Variants in TNFRSF25 observed in about 807,000 individuals in gnomAD.
TNFRSF25 encodes the protein TNF receptor superfamily member 25.
In TNFRSF25, 28 loss-of-function variants were observed where a neutral mutation model predicts 49.4. The ratio of observed to expected loss-of-function variants is 0.57; its 90% CI spans 0.42 to 0.78. TNFRSF25 has a LOEUF of 0.78. Ranked by LOEUF, TNFRSF25 falls within the 30% of genes least tolerant of loss-of-function variation. The probability of loss-of-function intolerance (pLI) is 0.00; values close to 1 mark genes in which losing one functional copy is unlikely to be tolerated. For synonymous variants in TNFRSF25, 240 were observed against 234.2 expected (o/e 1.02, Z -0.23); for missense variants, 531 against 581.6 (o/e 0.91, Z 0.90).
At position 6,461,723 on chromosome 1, in the gene TNFRSF25, G is replaced by C; in HGVS notation, c.965C>G (p.Ala322Gly). ...CTGCAGCATCATGGCTGGCGAGCCG[G>C]CTGGGGACTCTGGCGAGAGTGTGGG... The part of the protein sequence containing the change: ...AAPTLSPESP[A>G]GSPAMMLQPG... Residue 322 changes from alanine to glycine, a missense_variant, in exon 10 of 10, where the codon GCC (alanine) becomes GGC (glycine). Ala to Gly is a moderately conservative substitution (Grantham distance 60, BLOSUM62 0). Coordinates refer to ENST00000356876, the MANE Select transcript of TNFRSF25 (RefSeq NM_003790.3). The surrounding 1 kb of genome is among the most constrained non-coding windows in gnomAD (Gnocchi z 6.3). The C allele has an allele frequency of 6.4e-7, 1 of 1,552,244 alleles. No individual in the cohort carries two copies. Among genetic ancestry groups the C allele is most frequent in the Non-Finnish European group, 8.7e-7 (1 of 1,154,922 alleles).
Position 6,464,707 on chromosome 1 carries a change from G to A in TNFRSF25, c.308C>T (p.Ala103Val), listed in dbSNP as rs371575383. The change falls in exon 4 of 10, where the codon GCG (alanine) becomes GTG (valine). Residue 103 changes from alanine (A) to valine (V), a missense_variant. Physicochemically the swap from Ala to Val is moderately conservative, Grantham distance 64. Transcript: ENST00000356876. ...GGCCACTGCTGAACAGTTCTCCAGC[G>A]CCACCTGGGAGGCTGGTGGGGGTGC... ...QACDEQASQV[A>V]LENCSAVADT... 16 of 1,612,766 alleles carry A rather than the reference G, an allele frequency of 9.9e-6. No individual in the cohort carries two copies. Among genetic ancestry groups the A allele is most frequent in the East Asian group, 2.2e-5 (1 of 44,846 alleles).
Position 6,463,115 on chromosome 1 carries a change from C to T in TNFRSF25, c.555G>A (p.Gly185=). 1 of 1,551,604 alleles carries T rather than the reference C, an allele frequency of 6.4e-7. No homozygotes were observed. The highest frequency in any genetic ancestry group is 8.7e-7 in the Non-Finnish European group (1 of 1,146,992). Residue 185 remains glycine, a synonymous_variant, in exon 6 of 10, where the codon GGG becomes GGA. Coordinates refer to ENST00000356876, the MANE Select transcript of TNFRSF25 (RefSeq NM_003790.3). ...GCVSCPTSTL[G]SCPERCAAVC... ...CAGCGGCACAGCGCTCTGGACAGCT[C>T]CCCAGGGTGCTCCTGCAAGGGACGG...
chr1:6,464,540 G>C lies in TNFRSF25; in HGVS notation c.463+12C>G, dbSNP rs201638946. 5 of 1,613,872 alleles carry C rather than the reference G, an allele frequency of 3.1e-6. No homozygotes were observed. The Admixed American group carries it at 8.3e-5, about 27-fold the overall frequency. On this transcript the variant is annotated intron_variant, in intron 4 of 9. Coordinates refer to ENST00000356876, the MANE Select transcript of TNFRSF25 (RefSeq NM_003790.3). ...GGTCTGGGAGTAGAGAGCCCTGGGT[G>C]GGGGTACTCACAGAGTAGCCGTGTG...
rs1043762007 is a variant in TNFRSF25 at position 6,462,101 on chromosome 1, G to A, written c.818C>T (p.Thr273Ile). 2 of 1,613,876 alleles carry A rather than the reference G, an allele frequency of 1.2e-6. No homozygotes were observed. The highest frequency in any genetic ancestry group is 1.7e-6 in the Non-Finnish European group (2 of 1,179,988). Residue 273 changes from threonine (T) to isoleucine (I), a missense_variant, in exon 9 of 10, where the codon ACC (threonine) becomes ATC (isoleucine). By Grantham distance (89) the Thr-to-Ile change is moderately conservative. Coordinates refer to ENST00000356876, the MANE Select transcript of TNFRSF25 (RefSeq NM_003790.3). The surrounding 1 kb of genome is among the most constrained non-coding windows in gnomAD (Gnocchi z 4.2). ...CCAGCTGTTACCCACCAACTGGACG[G>A]TGCAGATCTTCTCACTGCTGTCAGG... is the stretch of plus-strand genomic sequence containing the variant. ...APPDSSEKIC[T>I]VQLVGNSWTP... is the part of the protein sequence containing the mutation.
rs1421688107 is a variant in TNFRSF25, at chr1:6,463,102, G to A, written c.568C>T (p.Arg190Cys). ...CTCCAGCCACAGACAGCGGCACAGC[G>A]CTCTGGACAGCTCCCCAGGGTGCTC... ...PTSTLGSCPE[R>C]CAAVCGWRQM... Residue 190 changes from arginine to cysteine, a missense_variant, in exon 6 of 10, where the codon CGC (arginine) becomes TGC (cysteine). Physicochemically the swap from Arg to Cys is radical, Grantham distance 180. Coordinates refer to ENST00000356876, the MANE Select transcript of TNFRSF25 (RefSeq NM_003790.3). 3.9e-6 allele frequency: 6 copies of A among 1,551,710 alleles called. No individual in the cohort carries two copies. Among genetic ancestry groups the A allele is most frequent in the Non-Finnish European group, 5.2e-6 (6 of 1,147,050 alleles).
chr1:6,465,681 CG>C lies in TNFRSF25; in HGVS notation c.40-122del, dbSNP rs1644336787. The stretch of plus-strand genomic sequence containing the variant: ...ACAGAGCAGCCCACTTCCCAGGCCC[CG>C]GGCAGAAGGGGTGCCCATGGGTGGA... On this transcript the variant is annotated intron_variant, in intron 1 of 9. Transcript: ENST00000356876. 2.7e-6 allele frequency: 4 copies of C among 1,469,540 alleles called. No homozygotes were observed. In the Admixed American group the frequency reaches 7.4e-5, roughly 27 times the overall value. The allele number at this position is 1,469,540 out of a possible 1,614,324, so 91.0% of individuals were successfully genotyped here. A position where few individuals can be genotyped will look rare whatever the true frequency, so the allele number is the denominator to read the frequency against.
chr1:6,465,994 C>A (rs1644355440), intron 1 of TNFRSF25, 75 bp downstream of exon 1: 1 of 1,522,666 alleles, frequency 6.6e-7, no homozygotes, highest in African/African-American at 1.4e-5. Flanking sequence ...GGAGACGCGC[C>A]CGGGGCCCCT....
At chr1:6,464,797 C>T in intron 3 of TNFRSF25, 78 bp from the exon 4 acceptor site, 1 of 1,526,266 alleles carries the variant, frequency 6.6e-7, no homozygotes, top group Non-Finnish European at 8.9e-7. Context: ...GAGGCATTAT[C>T]CCAAGATAAT....
chr1:6,462,880 TG>T lies in TNFRSF25; in HGVS notation c.688del (p.His230ThrfsTer15), dbSNP rs1306255496. The T allele has an allele frequency of 3.1e-6, 5 of 1,608,432 alleles. No homozygotes were observed. The highest frequency in any genetic ancestry group is 4.2e-6 in the Non-Finnish European group (5 of 1,177,492). On this transcript the variant is annotated frameshift_variant, in exon 7 of 10. Coordinates refer to ENST00000356876, the MANE Select transcript of TNFRSF25 (RefSeq NM_003790.3). LOFTEE classifies it high-confidence loss of function. The surrounding 1 kb of genome is among the most constrained non-coding windows in gnomAD (Gnocchi z 4.2). ...LTYTYRHCWPHKPLVTADEAG... is the reference protein window; with the variant it reads ...LTYTYRHCWPXKPLVTADEAG... Reference sequence around the variant, plus strand: ...GTACTTACCAGTAACCAGGGGCTTGTGAGGCCAGCAGTGGCGGTATGTGTAG... The same window carrying T: ...GTACTTACCAGTAACCAGGGGCTTGTAGGCCAGCAGTGGCGGTATGTGTAG...
chr1:6,461,451 G>A lies in TNFRSF25; in HGVS notation c.1237C>T (p.Leu413=). 6.5e-7 allele frequency: 1 copy of A among 1,529,474 alleles called. No homozygotes were observed. The highest frequency in any genetic ancestry group is 8.8e-7 in the Non-Finnish European group (1 of 1,139,812). The allele number at this position is 1,529,474 out of a possible 1,614,324, so 94.7% of individuals were successfully genotyped here. The part of the protein sequence containing the change: ...DGCVEDLRSR[L]QRGP ...GCGCCGTGTCACGGGCCGCGCTGCA[G>A]GCGGCTGCGCAAGTCTTCCACGCAG... The change falls in exon 10 of 10, where the codon CTG becomes TTG. Residue 413 remains leucine (L), a synonymous_variant. Coordinates refer to ENST00000356876, the MANE Select transcript of TNFRSF25 (RefSeq NM_003790.3). The surrounding 1 kb of genome is among the most constrained non-coding windows in gnomAD (Gnocchi z 6.3).
Position 6,464,473 on chromosome 1 carries a change from T to G in TNFRSF25, c.464-20A>C. On this transcript the variant is annotated intron_variant, in intron 4 of 9. Coordinates refer to ENST00000356876, the MANE Select transcript of TNFRSF25 (RefSeq NM_003790.3). Reference sequence around the variant, plus strand: ...GGGAACCTGCAATCCAGGAGAGGCATGCGTCACCATGGGACAGGAGTGGGT... The same window carrying G: ...GGGAACCTGCAATCCAGGAGAGGCAGGCGTCACCATGGGACAGGAGTGGGT... 1 of 1,611,502 alleles carries G rather than the reference T, an allele frequency of 6.2e-7. No individual in the cohort carries two copies. The highest frequency in any genetic ancestry group is 8.5e-7 in the Non-Finnish European group (1 of 1,179,002).
At position 6,461,294 on chromosome 1, in the gene TNFRSF25, G is replaced by C; in HGVS notation, c.*140C>G. On this transcript the variant is annotated 3_prime_UTR_variant, in exon 10 of 10. Transcript: ENST00000356876. This position sits in a 1 kb window ranked among gnomAD's most constrained non-coding sequence, Gnocchi z 6.3. ...TGGCTGGAGCGATAGGGGCGAGCAG[G>C]GGTGGGGCCGGCTGGTGCTGCTACG... 9.2e-7 allele frequency: 1 copy of C among 1,084,262 alleles called. No homozygotes were observed. Among genetic ancestry groups the C allele is most frequent in the Non-Finnish European group, 1.4e-6 (1 of 724,506 alleles). The allele number at this position is 1,084,262 out of a possible 1,614,324, so 67.2% of individuals were successfully genotyped here. A position where few individuals can be genotyped will look rare whatever the true frequency, so the allele number is the denominator to read the frequency against.
Position 6,466,138 on chromosome 1 carries a change from G to A in TNFRSF25, c.-31C>T, listed in dbSNP as rs1469961515. The A allele has an allele frequency of 6.8e-6, 10 of 1,464,050 alleles. No homozygotes were observed. Among genetic ancestry groups the A allele is most frequent in the Admixed American group, 2.5e-5 (1 of 39,348 alleles). The allele number at this position is 1,464,050 out of a possible 1,614,324, so 90.7% of individuals were successfully genotyped here. On this transcript the variant is annotated 5_prime_UTR_variant, in exon 1 of 10. Coordinates refer to ENST00000356876, the MANE Select transcript of TNFRSF25 (RefSeq NM_003790.3). ...TCCGACGGGCGCCCAGGGGCTTCCC[G>A]GCTCCGTGCTCTCTGCCCGTCGTGG...
rs1184617676 is a variant in TNFRSF25 at position 6,461,228 on chromosome 1, G to A, written c.*206C>T. ...AACTCCGGCCGAGAAGTTGAGAAATGTCTTCACCCCCTCTCGACATTCGTT... is the reference window on the plus strand; with the variant it reads ...AACTCCGGCCGAGAAGTTGAGAAATATCTTCACCCCCTCTCGACATTCGTT... On this transcript the variant is annotated 3_prime_UTR_variant, in exon 10 of 10. Transcript: ENST00000356876. The surrounding 1 kb of genome is among the most constrained non-coding windows in gnomAD (Gnocchi z 6.3). 1 of 740,226 alleles carries A rather than the reference G, an allele frequency of 1.4e-6. No homozygotes were observed. Among genetic ancestry groups the A allele is most frequent in the South Asian group, 1.5e-5 (1 of 67,216 alleles). 45.9% of individuals were successfully genotyped at this position (740,226 alleles called of 1,614,324 possible). A position where few individuals can be genotyped will look rare whatever the true frequency, so the allele number is the denominator to read the frequency against.
chr1:6,462,626 T>G lies in TNFRSF25; in HGVS notation c.744+3A>C. ...GCCCAGAATCACACAGTGAGGTTCTTACCGGTGGTGGGGTCAGAGCCTCCA... is the reference window on the plus strand; with the variant it reads ...GCCCAGAATCACACAGTGAGGTTCTGACCGGTGGTGGGGTCAGAGCCTCCA... On this transcript the variant is annotated splice_donor_region_variant and intron_variant, in intron 8 of 9. Transcript: ENST00000356876. This position sits in a 1 kb window ranked among gnomAD's most constrained non-coding sequence, Gnocchi z 4.2. 1 of 1,613,216 alleles carries G rather than the reference T, an allele frequency of 6.2e-7. No individual in the cohort carries two copies. The highest frequency in any genetic ancestry group is 1.3e-5 in the African/African-American group (1 of 75,014).
In TNFRSF25 at chr1:6,464,467, G is replaced by A; in HGVS notation, c.464-14C>T. The A allele has an allele frequency of 6.2e-7, 1 of 1,611,618 alleles. No homozygotes were observed. The highest frequency in any genetic ancestry group is 2.2e-5 in the East Asian group (1 of 44,808). On this transcript the variant is annotated splice_polypyrimidine_tract_variant and intron_variant, in intron 4 of 9. Coordinates refer to ENST00000356876, the MANE Select transcript of TNFRSF25 (RefSeq NM_003790.3). ...CTCTGCGGGAACCTGCAATCCAGGAGAGGCATGCGTCACCATGGGACAGGA... is the reference window on the plus strand; with the variant it reads ...CTCTGCGGGAACCTGCAATCCAGGAAAGGCATGCGTCACCATGGGACAGGA...
At position 6,461,191 on chromosome 1, in the gene TNFRSF25, C is replaced by T. The variant is rs1294382137; in HGVS notation, c.*243G>A. 2.8e-6 allele frequency: 2 copies of T among 715,782 alleles called. No individual in the cohort carries two copies. Among genetic ancestry groups the T allele is most frequent in the Non-Finnish European group, 2.6e-6 (1 of 386,018 alleles). 44.3% of individuals were successfully genotyped at this position (715,782 alleles called of 1,614,324 possible). A position where few individuals can be genotyped will look rare whatever the true frequency, so the allele number is the denominator to read the frequency against. On this transcript the variant is annotated 3_prime_UTR_variant, in exon 10 of 10. Transcript: ENST00000356876. This position sits in a 1 kb window ranked among gnomAD's most constrained non-coding sequence, Gnocchi z 6.3. ...GTTTTCTTTCACAGATTTAATACCGCGATCTCAGCCAAACTCCGGCCGAGA... is the reference window on the plus strand; with the variant it reads ...GTTTTCTTTCACAGATTTAATACCGTGATCTCAGCCAAACTCCGGCCGAGA...
Position 6,462,142 on chromosome 1 carries a change from G to A in TNFRSF25, c.777C>T (p.His259=). 6.2e-7 allele frequency: 1 copy of A among 1,613,124 alleles called. No individual in the cohort carries two copies. ...ATHLSPLDSA[H]TLLAPPDSSE... ...TGCTGTCAGGAGGTGCTAGAAGGGT[G>A]TGGGCGCTGTCCAAGGGTGACAGAT... Residue 259 remains histidine (H), a synonymous_variant, in exon 9 of 10, where the codon CAC becomes CAT. Transcript: ENST00000356876. The surrounding 1 kb of genome is among the most constrained non-coding windows in gnomAD (Gnocchi z 4.2).
In TNFRSF25 at chr1:6,462,187, AG is replaced by A. The variant is rs774469098; in HGVS notation, c.745-14del. On this transcript the variant is annotated splice_polypyrimidine_tract_variant and intron_variant, in intron 8 of 9. Transcript: ENST00000356876. This position sits in a 1 kb window ranked among gnomAD's most constrained non-coding sequence, Gnocchi z 4.2. ...ACAGATGGGTGGCCTGGAAGCCAAG[AG>A]GGGCCCCAGGTCAGCCCTGCTTGCC... 6.3e-7 allele frequency: 1 copy of A among 1,593,666 alleles called. No homozygotes were observed. The highest frequency in any genetic ancestry group is 1.1e-5 in the South Asian group (1 of 89,304).
Sources: allele counts gnomAD v4.1 joint callset, GRCh38; gene constraint gnomAD v4.1.1; non-coding constraint Gnocchi (gnomAD v3.1); transcripts MANE v1.5; gene names NCBI Gene and HGNC (gene_info 2026-07-23, HGNC 2026-07-21).